LRP2: variants seen among roughly 807,000 people sequenced by gnomAD.
LRP2 encodes LDL receptor related protein 2, also known as low-density lipoprotein receptor-related protein 2.
A neutral mutation model predicts 531.0 loss-of-function variants in LRP2; 172 were observed. That is an observed-to-expected ratio of 0.32 (90% confidence interval 0.29 to 0.37). The LOEUF is 0.37. Among genes scored for constraint, LRP2 ranks in the 10% least tolerant of loss-of-function variants. LRP2 has a pLI of 1.00. For missense variants in LRP2, 5,167 were observed against 5,868.3 expected (o/e 0.88, Z 3.90); for synonymous variants, 1,992 against 2,027.6 (o/e 0.98, Z 0.47).
At chr2:169,168,400 G>T in intron 61 of LRP2, 139 bp downstream of exon 61, 1 of 1,044,944 alleles carries the variant, frequency 9.6e-7, no homozygotes, top group Non-Finnish European at 1.5e-6. Context: ...AAGACCCAGT[G>T]AAATAACACC....
At chr2:169,269,202 C>A (rs1477682254) in intron 16 of LRP2, among the ~76,000 whole-genome samples, 1 of 152,100 alleles carries the variant, frequency 6.6e-6, no homozygotes, top group Non-Finnish European at 1.5e-5. Context: ...AGATTCAATG[C>A]CATCCCCATC....
At chr2:169,277,618 C>G (rs1230895917) in intron 13 of LRP2, 127 bp downstream of exon 13, 1 of 861,366 alleles carries the variant, frequency 1.2e-6, no homozygotes, top group African/African-American at 1.7e-5. Context: ...GTACAAAGGT[C>G]ATTAAAGCTA....
intron 76 of LRP2, among the ~76,000 whole-genome samples, chr2:169,134,093 A>G (rs1183638764): frequency 6.6e-6 from 1 of 152,300 alleles, no homozygotes; most frequent in Admixed American, 6.5e-5. Flanking sequence ...TGGTTAGTGC[A>G]GTCAGAATTC....
At chr2:169,271,831 A>C (rs1683425984) in intron 15 of LRP2, 2 of 229,446 alleles carry the variant, frequency 8.7e-6, no homozygotes, top group Non-Finnish European at 1.4e-5. Flanking sequence ...AAAGATATAA[A>C]GGAGTGAAAG....
intron 29 of LRP2, among the ~76,000 whole-genome samples, chr2:169,235,057 A>C (rs114570913): frequency 0.037 from 5,610 of 151,468 alleles, 263 homozygotes; most frequent in African/African-American, 0.11. Flanking sequence ...ACTATAGGCA[A>C]ACACCCCCAT....
At chr2:169,197,417 C>T (rs1688042577) in intron 45 of LRP2, among the ~76,000 whole-genome samples, 1 of 152,136 alleles carries the variant, frequency 6.6e-6, no homozygotes, top group Non-Finnish European at 1.5e-5. Context: ...ATAATGTGAT[C>T]ATATCTAAGC....
rs141428704 is a variant in LRP2, at chr2:169,206,477, T to C, written c.7243A>G (p.Ile2415Val). ...GACATGACAGTTCTTTCCACATTTA[T>C]TGTTTGGAAAGGTGGGCTATGGTTT... is the stretch of plus-strand genomic sequence containing the variant. ...PENHSPPFQT[I>V]NVERTVMSLD... The change falls in exon 39 of 79, where the codon ATA becomes GTA. Residue 2415 changes from isoleucine (I) to valine (V), a missense_variant. Physicochemically the swap from Ile to Val is conservative, Grantham distance 29 (BLOSUM62 3). This residue lies in a region of LRP2 where 2,811 missense variants were observed against 3,058.0 expected (regional missense o/e 0.92). Coordinates refer to ENST00000649046, the MANE Select transcript of LRP2 (RefSeq NM_004525.3). 83 of 1,614,174 alleles carry C rather than the reference T, an allele frequency of 5.1e-5. 1 individual carries two copies. The African/African-American group carries it at 9.7e-4, about 19-fold the overall frequency.
intron 8 of LRP2, 103 bp from the exon 9 acceptor site, chr2:169,289,248 A>G (rs536327645): frequency 6.9e-7 from 1 of 1,441,202 alleles, no homozygotes; most frequent in Non-Finnish European, 9.7e-7. Flanking sequence ...GTAAGCATGA[A>G]GTAGATGTAC....
Position 169,128,488 on chromosome 2 carries a change from TA to T in LRP2, c.*174del, listed in dbSNP as rs1274446358. 8.1e-6 allele frequency: 5 copies of T among 615,342 alleles called. No individual in the cohort carries two copies. Among genetic ancestry groups the T allele is most frequent in the Non-Finnish European group, 1.1e-5 (4 of 352,358 alleles). The allele number at this position is 615,342 out of a possible 1,614,324, so 38.1% of individuals were successfully genotyped here. A position where few individuals can be genotyped will look rare whatever the true frequency, so the allele number is the denominator to read the frequency against. On this transcript the variant is annotated 3_prime_UTR_variant, in exon 79 of 79. Coordinates refer to ENST00000649046, the MANE Select transcript of LRP2 (RefSeq NM_004525.3). ...TATAGTACATTGTGATAATTATTTG[TA>T]AAAATATGAGACGGCATAAGTAAAA... is the stretch of plus-strand genomic sequence containing the variant.
chr2:169,315,959 CAAAAAA>C (rs536458606), intron 3 of LRP2, among the ~76,000 whole-genome samples: 13 of 73,748 alleles, frequency 1.8e-4, no homozygotes, highest in African/African-American at 4.6e-4. Context: ...CCCATCTCTA[CAAAAAA>C]AAAAAAAAAA....
intron 44 of LRP2, among the ~76,000 whole-genome samples, chr2:169,201,384 C>T (rs1328615489): frequency 1.3e-5 from 2 of 152,066 alleles, no homozygotes; most frequent in Non-Finnish European, 2.9e-5. Flanking sequence ...TAGTTATTTT[C>T]CAAAATGTTA....
intron 3 of LRP2, among the ~76,000 whole-genome samples, chr2:169,317,586 G>C (rs1386943336): frequency 6.6e-6 from 1 of 152,154 alleles, no homozygotes; most frequent in African/African-American, 2.4e-5. Context: ...TATTATGTGA[G>C]ATAATAAATC....
intron 4 of LRP2, among the ~76,000 whole-genome samples, chr2:169,300,900 T>G (rs945559857): frequency 2.6e-5 from 4 of 152,092 alleles, no homozygotes; most frequent in Non-Finnish European, 5.9e-5. Context: ...AAAATGACTT[T>G]AACCATCTTT....
chr2:169,141,165 T>C (rs1169780572), intron 71 of LRP2, among the ~76,000 whole-genome samples: 1 of 152,200 alleles, frequency 6.6e-6, no homozygotes, highest in Non-Finnish European at 1.5e-5. Flanking sequence ...AGATGCTTAA[T>C]AAGTATAGGT....
intron 70 of LRP2, among the ~76,000 whole-genome samples, chr2:169,143,406 G>T (rs545247572): frequency 6.6e-6 from 1 of 152,166 alleles, no homozygotes; most frequent in African/African-American, 2.4e-5. Context: ...ACTTTGGGAG[G>T]CCGCTTTGGG....
intron 1 of LRP2, among the ~76,000 whole-genome samples, chr2:169,321,992 A>C (rs1385383133): frequency 6.6e-6 from 1 of 152,234 alleles, no homozygotes; most frequent in South Asian, 2.1e-4. Context: ...CAAAGAAAGC[A>C]GCCACTACCA....
intron 13 of LRP2, among the ~76,000 whole-genome samples, chr2:169,276,554 T>C (rs1189183508): frequency 6.6e-6 from 1 of 152,134 alleles, no homozygotes; most frequent in Admixed American, 6.6e-5. Flanking sequence ...GTTTCAGTGA[T>C]AGGAAGTCAC....
At chr2:169,158,099 A>ACACAC (rs1201261967) in intron 63 of LRP2, among the ~76,000 whole-genome samples, 1 of 73,388 alleles carries the variant, frequency 1.4e-5, no homozygotes. Flanking sequence ...CACACACACA[A>ACACAC]ATATATACAT....
chr2:169,339,693 C>A (rs543950735), intron 1 of LRP2, among the ~76,000 whole-genome samples: 2 of 152,106 alleles, frequency 1.3e-5, no homozygotes, highest in Non-Finnish European at 2.9e-5. Context: ...GAATTACTAA[C>A]CCCTGTTATT....
Sources: allele counts gnomAD v4.1 joint callset (sites outside exome capture counted in the v4.1 genomes callset), GRCh38; gene constraint gnomAD v4.1.1; regional missense constraint gnomAD v4.1.1; transcripts MANE v1.5; gene names NCBI Gene and HGNC (gene_info 2026-07-23, HGNC 2026-07-21).